DPP10: variants seen among roughly 807,000 people sequenced by gnomAD.
DPP10 encodes the protein dipeptidyl peptidase like 10.
In DPP10, 33 loss-of-function variants were observed where a neutral mutation model predicts 120.9. That is an observed-to-expected ratio of 0.27 (90% confidence interval 0.21 to 0.37). The LOEUF (loss-of-function observed/expected upper bound fraction) is 0.37, where lower values mean the gene tolerates loss of function less well. Among genes scored for constraint, DPP10 ranks in the 10% least tolerant of loss-of-function variants. The pLI, the probability that DPP10 is intolerant of heterozygous loss-of-function variation, is 1.00. For missense variants in DPP10, 816 were observed against 942.8 expected (o/e 0.87, Z 1.76); for synonymous variants, 337 against 326.1 (o/e 1.03, Z -0.36).
At chr2:115,482,343 G>A (rs1207855067) in intron 3 of DPP10, among the ~76,000 whole-genome samples, 1 of 151,564 alleles carries the variant, frequency 6.6e-6, no homozygotes, top group Non-Finnish European at 1.5e-5. Context: ...GAACAAATTA[G>A]CATATTCATC....
At chr2:114,744,741 C>G (rs1340214373) in intron 1 of DPP10, among the ~76,000 whole-genome samples, 1 of 152,074 alleles carries the variant, frequency 6.6e-6, no homozygotes, top group Non-Finnish European at 1.5e-5. Context: ...GAACCTGTAA[C>G]AGTGACCATA....
intron 1 of DPP10, among the ~76,000 whole-genome samples, chr2:114,948,082 A>G (rs1423808365): frequency 6.6e-6 from 1 of 151,870 alleles, no homozygotes; most frequent in South Asian, 2.1e-4. Flanking sequence ...ACATTTCTAT[A>G]TATATATTCT....
chr2:115,471,697 T>G (rs2074730462), intron 3 of DPP10, among the ~76,000 whole-genome samples: 1 of 151,984 alleles, frequency 6.6e-6, no homozygotes, highest in East Asian at 1.9e-4. Flanking sequence ...AGCGATCCTC[T>G]CACCTCAGCC....
At chr2:115,416,594 G>C (rs767025279) in intron 3 of DPP10, among the ~76,000 whole-genome samples, 4 of 152,088 alleles carry the variant, frequency 2.6e-5, no homozygotes, top group African/African-American at 4.8e-5. Flanking sequence ...ACTAAATTAA[G>C]CTTATACTGA....
At chr2:115,635,828 C>T (rs894913956) in intron 5 of DPP10, among the ~76,000 whole-genome samples, 1 of 152,076 alleles carries the variant, frequency 6.6e-6, no homozygotes, top group African/African-American at 2.4e-5. Context: ...GACTAGAAAA[C>T]TCTTGATGTT....
chr2:115,474,131 A>G (rs906129008), intron 3 of DPP10, among the ~76,000 whole-genome samples: 1 of 152,204 alleles, frequency 6.6e-6, no homozygotes, highest in African/African-American at 2.4e-5. Flanking sequence ...TGCAATGGCA[A>G]TGGCAATTAT....
At chr2:115,306,395 G>A (rs1319085211) in intron 1 of DPP10, among the ~76,000 whole-genome samples, 1 of 152,052 alleles carries the variant, frequency 6.6e-6, no homozygotes, top group Admixed American at 6.6e-5. Flanking sequence ...GTAAGGAAAT[G>A]GTAATCAGAG....
chr2:115,025,128 A>G (rs1703366964), intron 1 of DPP10, among the ~76,000 whole-genome samples: 1 of 151,800 alleles, frequency 6.6e-6, no homozygotes, highest in South Asian at 2.1e-4. Flanking sequence ...CTAACTGTAT[A>G]TTTGTCTTTT....
At chr2:115,120,108 G>A (rs2049744606) in intron 1 of DPP10, among the ~76,000 whole-genome samples, 1 of 152,240 alleles carries the variant, frequency 6.6e-6, no homozygotes, top group African/African-American at 2.4e-5. Flanking sequence ...GGCTGCTAAA[G>A]AGTCAATTTG....
chr2:114,766,068 T>TA (rs1479071150), intron 1 of DPP10, among the ~76,000 whole-genome samples: 1 of 151,942 alleles, frequency 6.6e-6, no homozygotes, highest in African/African-American at 2.4e-5. Flanking sequence ...CTTAAGAAAT[T>TA]AAAATTATTA....
At chr2:115,420,728 A>T (rs1376775597) in intron 3 of DPP10, among the ~76,000 whole-genome samples, 1 of 152,192 alleles carries the variant, frequency 6.6e-6, no homozygotes, top group East Asian at 1.9e-4. Context: ...CTTTCTGGGG[A>T]TCCCTGGCAG....
At chr2:115,245,433 CCTTA>C (rs1198709343) in intron 1 of DPP10, among the ~76,000 whole-genome samples, 1 of 151,890 alleles carries the variant, frequency 6.6e-6, no homozygotes, top group Non-Finnish European at 1.5e-5. Context: ...TGAGATACCA[CCTTA>C]CTCTTGCAAA....
intron 3 of DPP10, among the ~76,000 whole-genome samples, chr2:115,463,605 C>A (rs780992284): frequency 6.6e-6 from 1 of 152,242 alleles, no homozygotes; most frequent in Non-Finnish European, 1.5e-5. Flanking sequence ...TTTATTTTTT[C>A]TTTAATGGAT....
At chr2:115,826,461 C>T (rs1688326480) in intron 21 of DPP10, among the ~76,000 whole-genome samples, 2 of 152,120 alleles carry the variant, frequency 1.3e-5, no homozygotes, top group Non-Finnish European at 1.5e-5. Context: ...GTGGCTCACG[C>T]TGTAATCCCA....
chr2:114,631,184 GA>G (rs1485155154), intron 1 of DPP10, among the ~76,000 whole-genome samples: 3 of 152,150 alleles, frequency 2.0e-5, no homozygotes, highest in African/African-American at 7.2e-5. Context: ...AACAGAAAGA[GA>G]CCTGTGTTGA....
intron 1 of DPP10, among the ~76,000 whole-genome samples, chr2:114,502,703 C>A (rs1466916160): frequency 1.3e-5 from 2 of 152,074 alleles, no homozygotes. Context: ...CACATTCTAC[C>A]ATGTGGTAGT....
intron 1 of DPP10, among the ~76,000 whole-genome samples, chr2:114,667,139 A>G (rs377231819): frequency 2.6e-5 from 4 of 152,328 alleles, no homozygotes; most frequent in East Asian, 1.9e-4. Flanking sequence ...ATTTGGTTCA[A>G]TGGCCTCAAT....
chr2:115,381,865 G>A (rs945621552), intron 3 of DPP10, among the ~76,000 whole-genome samples: 43 of 150,792 alleles, frequency 2.9e-4, no homozygotes, highest in African/African-American at 9.5e-4. Flanking sequence ...TAGGCTTCTC[G>A]GGGGTCAGGG....
At chr2:114,490,953 T>A (rs1681945277) in intron 1 of DPP10, among the ~76,000 whole-genome samples, 2 of 152,206 alleles carry the variant, frequency 1.3e-5, no homozygotes, top group Non-Finnish European at 2.9e-5. Context: ...AGTTGAATCC[T>A]GTTATAAAAC....
Sources: gnomAD v4.1 joint callset for allele counts (sites outside exome capture counted in the v4.1 genomes callset) on GRCh38, gnomAD v4.1.1 for gene constraint, MANE v1.5 for transcripts, NCBI Gene and HGNC (gene_info 2026-07-23, HGNC 2026-07-21) for gene names.